The following ADGRV1 variants were observed in gnomAD, a reference collection of about 807,000 sequenced individuals.
ADGRV1 encodes adhesion G protein-coupled receptor V1, also known as G-protein coupled receptor 98.
In ADGRV1, 359 loss-of-function variants were observed where a neutral mutation model predicts 596.2. That is an observed-to-expected ratio of 0.60 (90% CI 0.55 to 0.66). The LOEUF (loss-of-function observed/expected upper bound fraction) is 0.66. Among genes scored for constraint, ADGRV1 ranks in the 30% least tolerant of loss-of-function variants. The probability of loss-of-function intolerance (pLI) is 0.00; values close to 1 mark genes in which losing one functional copy is unlikely to be tolerated. For missense variants in ADGRV1, 7,274 were observed against 7,575.6 expected, an observed-to-expected ratio of 0.96 and a Z score of 1.48; for synonymous variants, 2,681 against 2,679.2, an observed-to-expected ratio of 1.00 and a Z score of -0.02.
Position 90,791,617 on chromosome 5 carries a change from G to A in ADGRV1, c.14517+271G>A, listed in dbSNP as rs1386551867. On this transcript the variant is annotated intron_variant, in intron 70 of 89. Coordinates refer to ENST00000405460, the MANE Select transcript of ADGRV1 (RefSeq NM_032119.4). ...AGTTCTAGGAAATGTTTCCAGTGGT[G>A]TGCATATACACCTGCACACCCATGG... is the stretch of plus-strand genomic sequence containing the variant. 2.7e-5 allele frequency: 11 copies of A among 414,528 alleles called. No homozygotes were observed. In the East Asian group the frequency reaches 4.3e-4, roughly 16 times the overall value. The allele number at this position is 414,528 out of a possible 1,614,324, so 25.7% of individuals were successfully genotyped here.
At chr5:90,669,497 A>G (rs887875262) in intron 21 of ADGRV1, among the ~76,000 whole-genome samples, 9 of 152,214 alleles carry the variant, frequency 5.9e-5, no homozygotes, top group African/African-American at 1.9e-4. Flanking sequence ...ACCTGATAAA[A>G]ATGTTGTACA....
At chr5:90,611,221 A>G (rs897044389) in intron 1 of ADGRV1, among the ~76,000 whole-genome samples, 2 of 151,898 alleles carry the variant, frequency 1.3e-5, no homozygotes, top group African/African-American at 4.8e-5. Flanking sequence ...GGTCTAATAT[A>G]GTCCAGATTT....
intron 85 of ADGRV1, among the ~76,000 whole-genome samples, chr5:90,998,595 A>T (rs1471515974): frequency 6.6e-6 from 1 of 152,072 alleles, no homozygotes; most frequent in African/African-American, 2.4e-5. Flanking sequence ...ATGAATATCC[A>T]TATATAGGTA....
At chr5:91,105,866 T>C (rs1252090818) in intron 87 of ADGRV1, among the ~76,000 whole-genome samples, 1 of 151,736 alleles carries the variant, frequency 6.6e-6, no homozygotes, top group Non-Finnish European at 1.5e-5. Flanking sequence ...TTTAGAACAT[T>C]GGTCTAGGGA....
intron 83 of ADGRV1, among the ~76,000 whole-genome samples, chr5:90,916,401 A>G (rs1018113290): frequency 1.1e-4 from 16 of 152,092 alleles, no homozygotes; most frequent in South Asian, 2.1e-4. Context: ...CAAATTCACC[A>G]CTAATACTGG....
At chr5:90,583,510 C>T (rs1400557408) in intron 1 of ADGRV1, among the ~76,000 whole-genome samples, 1 of 152,146 alleles carries the variant, frequency 6.6e-6, no homozygotes, top group African/African-American at 2.4e-5. Flanking sequence ...TCCATTCCTA[C>T]TCTTCTAGCT....
At chr5:90,558,985 A>G in intron 1 of ADGRV1, 68 bp downstream of exon 1, 2 of 1,393,790 alleles carry the variant, frequency 1.4e-6, no homozygotes, top group Non-Finnish European at 1.9e-6. Flanking sequence ...CAGCATCAGC[A>G]CCTGTTGCTG....
At position 90,644,868 on chromosome 5, in the gene ADGRV1, A is replaced by G. The variant is rs765007422; in HGVS notation, c.2897A>G (p.Glu966Gly). 6 of 1,575,350 alleles carry G rather than the reference A, an allele frequency of 3.8e-6. No homozygotes were observed. The highest frequency in any genetic ancestry group is 5.2e-6 in the Non-Finnish European group (6 of 1,163,416). ...ATCACCATTTACTCCCTTCCAGATG[A>G]GGTAAATATTGCATATAACTTTCTG... ...KNITIYSLPD[E>G]IPEEMEEFTV... The change falls in exon 15 of 90, where the codon GAG becomes GGG. Residue 966 changes from glutamate to glycine, a missense_variant and splice_region_variant. This residue lies in a region of ADGRV1 where 1,715 missense variants were observed against 1,708.8 expected (regional missense o/e 1.00). Transcript: ENST00000405460.
intron 85 of ADGRV1, among the ~76,000 whole-genome samples, chr5:91,041,738 A>G (rs1282140758): frequency 6.6e-6 from 1 of 152,106 alleles, no homozygotes; most frequent in Non-Finnish European, 1.5e-5. Context: ...CAATTTCCTG[A>G]AGCTAGATGA....
In ADGRV1 at chr5:90,619,195, TTGA is replaced by T. The variant is rs751649763; in HGVS notation, c.453+19_453+21del. ...TCATTTAATATGGTATGGACACAAT[TTGA>T]TGATAATTGTGGTTGCTAGATAATA... On this transcript the variant is annotated intron_variant, in intron 4 of 89. Coordinates refer to ENST00000405460, the MANE Select transcript of ADGRV1 (RefSeq NM_032119.4). 12 of 1,145,946 alleles carry T rather than the reference TTGA, an allele frequency of 1.0e-5. No homozygotes were observed. The highest frequency in any genetic ancestry group is 1.5e-5 in the Non-Finnish European group (12 of 826,278). 71.0% of individuals were successfully genotyped at this position (1,145,946 alleles called of 1,614,324 possible).
intron 58 of ADGRV1, among the ~76,000 whole-genome samples, chr5:90,760,397 T>C (rs1265786195): frequency 2.0e-5 from 3 of 152,208 alleles, no homozygotes; most frequent in African/African-American, 7.2e-5. Flanking sequence ...GCACACAGTT[T>C]GATAGTAATG....
At chr5:90,964,287 G>A (rs190833340) in intron 83 of ADGRV1, among the ~76,000 whole-genome samples, 1 of 152,042 alleles carries the variant, frequency 6.6e-6, no homozygotes, top group East Asian at 1.9e-4. Flanking sequence ...AGGTTTTAAG[G>A]CATAAGTCAA....
Position 90,690,001 on chromosome 5 carries a change from G to A in ADGRV1, c.6631G>A (p.Gly2211Arg). 6.2e-7 allele frequency: 1 copy of A among 1,605,530 alleles called. No individual in the cohort carries two copies. Among genetic ancestry groups the A allele is most frequent in the South Asian group, 1.1e-5 (1 of 89,452 alleles). The change falls in exon 30 of 90, where the codon GGA becomes AGA. Residue 2211 changes from glycine to arginine, a missense_variant. Physicochemically the swap from Gly to Arg is moderately radical, Grantham distance 125. Transcript: ENST00000405460. ...TGTGCAACTGATGAATGAAACAACA[G>A]GAGGAGCCAGACTAGGGGCTTTAAC... is the stretch of plus-strand genomic sequence containing the variant. The part of the protein sequence containing the change: ...FLVQLMNETT[G>R]GARLGALTEA...
At chr5:91,161,532 A>C (rs1369211018) in intron 89 of ADGRV1, among the ~76,000 whole-genome samples, 1 of 141,032 alleles carries the variant, frequency 7.1e-6, no homozygotes, top group Non-Finnish European at 1.5e-5. Flanking sequence ...TTTTCAAGAG[A>C]AACCAGAAAT....
intron 84 of ADGRV1, among the ~76,000 whole-genome samples, chr5:90,975,529 G>A (rs1284772058): frequency 1.3e-5 from 2 of 152,126 alleles, no homozygotes; most frequent in Non-Finnish European, 2.9e-5. Context: ...CCATAAAAAA[G>A]GATGCGTTCA....
rs987956514 is a variant in ADGRV1, at chr5:90,754,890, A to G, written c.11378-93A>G. On this transcript the variant is annotated intron_variant, in intron 54 of 89. Coordinates refer to ENST00000405460, the MANE Select transcript of ADGRV1 (RefSeq NM_032119.4). ...ACTTCTTTTTCCTTAACTGTCTACA[A>G]GGGATAGAGTAGAGTGTTCCACTCT... 1.2e-5 allele frequency: 10 copies of G among 821,856 alleles called. No homozygotes were observed. The African/African-American group carries it at 1.7e-4, about 14-fold the overall frequency. The allele number at this position is 821,856 out of a possible 1,614,324, so 50.9% of individuals were successfully genotyped here.
chr5:90,712,316 T>C lies in ADGRV1; in HGVS notation c.9072T>C (p.Tyr3024=), dbSNP rs761706626. Residue 3024 remains tyrosine, a synonymous_variant, in exon 42 of 90, where the codon TAT becomes TAC. Coordinates refer to ENST00000405460, the MANE Select transcript of ADGRV1 (RefSeq NM_032119.4). Reference sequence around the variant, plus strand: ...TTCATTTTGCTGATGGAGAAAGGTATAAAAATGTCAATATCATGATTCTTG... The same window carrying C: ...TTCATTTTGCTGATGGAGAAAGGTACAAAAATGTCAATATCATGATTCTTG... ...MILHFADGER[Y]KNVNIMILDD... is the part of the protein sequence containing the mutation. 1 of 1,554,058 alleles carries C rather than the reference T, an allele frequency of 6.4e-7. No homozygotes were observed. Among genetic ancestry groups the C allele is most frequent in the Non-Finnish European group, 8.7e-7 (1 of 1,145,710 alleles).
intron 51 of ADGRV1, 77 bp downstream of exon 51, chr5:90,745,342 T>G: frequency 2.0e-6 from 2 of 1,004,492 alleles, no homozygotes; most frequent in Non-Finnish European, 2.9e-6. Flanking sequence ...AAGTCATTAT[T>G]TGGTGACTGA....
rs374070113 is a variant in ADGRV1, at chr5:90,617,800, A to G, written c.208-4A>G. ...AAGAATGATCTATATTTTGCATTTG[A>G]TAGCTGTATGGAGAGGACGCTGGTG... On this transcript the variant is annotated splice_polypyrimidine_tract_variant and splice_region_variant and intron_variant, in intron 2 of 89. Coordinates refer to ENST00000405460, the MANE Select transcript of ADGRV1 (RefSeq NM_032119.4). 5.4e-5 allele frequency: 86 copies of G among 1,588,536 alleles called. No homozygotes were observed. The African/African-American group carries it at 1.0e-3, about 19-fold the overall frequency.
Sources: allele counts gnomAD v4.1 joint callset (sites outside exome capture counted in the v4.1 genomes callset), GRCh38; gene constraint gnomAD v4.1.1; regional missense constraint gnomAD v4.1.1; transcripts MANE v1.5; gene names NCBI Gene and HGNC (gene_info 2026-07-23, HGNC 2026-07-21).